The following ARHGAP22 variants were observed in gnomAD, a reference collection of about 807,000 sequenced individuals.
The protein encoded by ARHGAP22 is rho GTPase-activating protein 22.
A neutral mutation model predicts 59.1 loss-of-function variants in ARHGAP22; 48 were observed. The ratio of observed to expected loss-of-function variants is 0.81; its 90% CI spans 0.64 to 1.03. The LOEUF (loss-of-function observed/expected upper bound fraction) is 1.03, where lower values mean the gene tolerates loss of function less well. Among genes scored for constraint, ARHGAP22 ranks in the 50% least tolerant of loss-of-function variants. The pLI, the probability that ARHGAP22 is intolerant of heterozygous loss-of-function variation, is 0.00. For synonymous variants in ARHGAP22, 445 were observed against 416.4 expected (o/e 1.07, Z -0.84); for missense variants, 1,015 against 958.7 (o/e 1.06, Z -0.78).
In ARHGAP22 at chr10:48,455,070, C is replaced by T. The variant is rs1471163723; in HGVS notation, c.724G>A (p.Val242Met). The T allele has an allele frequency of 5.0e-6, 8 of 1,612,302 alleles. No homozygotes were observed. The highest frequency in any genetic ancestry group is 2.2e-5 in the South Asian group (2 of 90,956). Residue 242 changes from valine to methionine, a missense_variant, in exon 6 of 10, where the codon GTG becomes ATG. Transcript: ENST00000249601. ...KLYLRELPEP[V>M]VPFARYEDFL... The stretch of plus-strand genomic sequence containing the variant: ...TCCTCGTACCTGGCGAAGGGGACCA[C>T]GGGCTCGGGGAGCTCCCGCAGGTAC...
At position 48,643,885 on chromosome 10, in the gene ARHGAP22, C is replaced by T. The variant is rs554662983; in HGVS notation, c.52+8349G>A. Among the ~76,000 whole-genome samples the T allele has an allele frequency of 9.2e-5, 14 of 152,054 alleles. No homozygotes were observed. In the South Asian group the frequency reaches 1.2e-3, roughly 14 times the overall value. The stretch of plus-strand genomic sequence containing the variant: ...ATTCTGGGCCAGGCGTGGTGGCTCA[C>T]GCCTGTAATCCCAGCACTTGGGGAG... On this transcript the variant is annotated intron_variant, in intron 1 of 9. Coordinates refer to the ARHGAP22 transcript ENST00000435790.
chr10:48,432,605 C>G, the ARHGAP22 span, among the ~76,000 whole-genome samples: 1 of 152,142 alleles, frequency 6.6e-6, no homozygotes, highest in Non-Finnish European at 1.5e-5. Flanking sequence ...GATGGAGGCT[C>G]AGGTGGGATT....
At chr10:48,471,622 C>G (rs559867969) in intron 4 of ARHGAP22, among the ~76,000 whole-genome samples, 1 of 152,322 alleles carries the variant, frequency 6.6e-6, no homozygotes, top group South Asian at 2.1e-4. Flanking sequence ...ACAACTCCAG[C>G]CTCCAGATGC....
chr10:48,565,807 TTTTGGTCACTGTATCATTTG>T lies in ARHGAP22; in HGVS notation c.235-10277_235-10258del, dbSNP rs1209069981. On this transcript the variant is annotated intron_variant, in intron 2 of 9. Transcript: ENST00000249601. ...ATCATAATTATGACTTCAAAACTCA[TTTTGGTCACTGTATCATTTG>T]TTTGGTCTGTTTGTAGAAACAATCT... Among the ~76,000 whole-genome samples, 5 of 152,182 alleles carry T rather than the reference TTTTGGTCACTGTATCATTTG, an allele frequency of 3.3e-5. No homozygotes were observed. The East Asian group carries it at 9.6e-4, about 29-fold the overall frequency.
Position 48,446,796 on chromosome 10 carries a change from T to C in ARHGAP22, c.1869-177A>G, listed in dbSNP as rs1272545740. 5.3e-5 allele frequency among the ~76,000 whole-genome samples: 8 copies of C among 152,144 alleles called. No homozygotes were observed. The South Asian group carries it at 6.2e-4, about 12-fold the overall frequency. On this transcript the variant is annotated intron_variant, in intron 9 of 9. Transcript: ENST00000249601. Reference sequence around the variant, plus strand: ...CCCCAGTACTTCACCCATGAGCAAATTGCCCCCTGCCATAGCTCCCCTAGC... The same window carrying C: ...CCCCAGTACTTCACCCATGAGCAAACTGCCCCCTGCCATAGCTCCCCTAGC...
chr10:48,622,688 T>A (rs2061324714), intron 1 of ARHGAP22, among the ~76,000 whole-genome samples: 1 of 152,204 alleles, frequency 6.6e-6, no homozygotes, highest in South Asian at 2.1e-4. Context: ...TCTTTGTGCC[T>A]CTGTTACCAC....
upstream of ARHGAP22, chr10:48,656,024 C>A (rs1565072360): frequency 6.6e-6 from 1 of 152,256 alleles, no homozygotes; most frequent in Non-Finnish European, 1.5e-5. Flanking sequence ...GGGCTGCTCA[C>A]CTGGAACCAG....
At chr10:48,529,250 C>T (rs763086737) in intron 3 of ARHGAP22, among the ~76,000 whole-genome samples, 6 of 152,082 alleles carry the variant, frequency 3.9e-5, no homozygotes, top group South Asian at 2.1e-4. Context: ...AGATGTGGGC[C>T]GAACACAGGT....
chr10:48,487,804 C>G (rs545455955), intron 3 of ARHGAP22, among the ~76,000 whole-genome samples: 1 of 152,198 alleles, frequency 6.6e-6, no homozygotes, highest in African/African-American at 2.4e-5. Context: ...CAGTGGCTCA[C>G]GCCTGTAATC....
chr10:48,508,405 A>C (rs2052381338), intron 3 of ARHGAP22, among the ~76,000 whole-genome samples: 2 of 152,264 alleles, frequency 1.3e-5, no homozygotes, highest in South Asian at 4.1e-4. Context: ...ATGGCTGCCC[A>C]GCAAGGGCTG....
intron 8 of ARHGAP22, among the ~76,000 whole-genome samples, chr10:48,452,076 G>A (rs1045259499): frequency 1.3e-5 from 2 of 151,782 alleles, no homozygotes; most frequent in African/African-American, 4.8e-5. Context: ...ATATAATCTC[G>A]CACACACACA....
In ARHGAP22 at chr10:48,463,499, G is replaced by GCCTGCCT. The variant is rs1379300057; in HGVS notation, c.452-3615_452-3609dup. On this transcript the variant is annotated intron_variant, in intron 4 of 9. Coordinates refer to ENST00000249601, the MANE Select transcript of ARHGAP22 (RefSeq NM_021226.4). Reference sequence around the variant, plus strand: ...CCTGGCAGTGCCCCTGGTGCCTGCCGCCTGCCTCCTGCCTCCCTCCCCTTT... The same window carrying GCCTGCCT: ...CCTGGCAGTGCCCCTGGTGCCTGCCGCCTGCCTCCTGCCTCCTGCCTCCCTCCCCTTT... Among the ~76,000 whole-genome samples, 8 of 152,120 alleles carry GCCTGCCT rather than the reference G, an allele frequency of 5.3e-5. No homozygotes were observed. In the East Asian group the frequency reaches 1.3e-3, roughly 26 times the overall value.
chr10:48,468,362 TTC>T (rs1479885314), intron 4 of ARHGAP22, among the ~76,000 whole-genome samples: 3 of 152,070 alleles, frequency 2.0e-5, no homozygotes, highest in Non-Finnish European at 4.4e-5. Flanking sequence ...ATCATAGGGG[TTC>T]TTTTACCAGG....
chr10:48,577,801 G>GTTTTTTTTTTTTTTTTTTTTTTTTT (rs34557935), intron 2 of ARHGAP22, among the ~76,000 whole-genome samples: 1 of 59,142 alleles, frequency 1.7e-5, no homozygotes, highest in Admixed American at 2.9e-4. Context: ...CTCTTTTTTG[G>GTTTTTTTTTTTTTTTTTTTTTTTTT]TTTTTTTTTT....
chr10:48,433,289 A>C, the ARHGAP22 span, among the ~76,000 whole-genome samples: 76,621 of 152,000 alleles, frequency 0.5, 19,925 homozygotes, highest in Middle Eastern at 0.72. Flanking sequence ...ATTTGGGTAA[A>C]ATAATAGACC....
the ARHGAP22 span, chr10:48,435,373 CTA>C: frequency 5.2e-5 from 10 of 193,198 alleles, no homozygotes; most frequent in African/African-American, 2.3e-4. Context: ...ATCAAAGCAA[CTA>C]TTATGTGGTG....
At chr10:48,479,522 A>T (rs1437691247) in intron 4 of ARHGAP22, 114 bp downstream of exon 4, 2 of 1,576,104 alleles carry the variant, frequency 1.3e-6, no homozygotes, top group Non-Finnish European at 1.7e-6. Context: ...GAAGCACAGG[A>T]TGCAGCCAGC....
chr10:48,490,565 T>TC (rs2050287556), intron 3 of ARHGAP22, among the ~76,000 whole-genome samples: 3 of 152,212 alleles, frequency 2.0e-5, no homozygotes, highest in Non-Finnish European at 4.4e-5. Flanking sequence ...GTAGGCACAA[T>TC]GTGGCATGTC....
chr10:48,610,628 G>A (rs998785346), intron 1 of ARHGAP22, among the ~76,000 whole-genome samples: 1 of 152,178 alleles, frequency 6.6e-6, no homozygotes, highest in African/African-American at 2.4e-5. Context: ...GCTGAGGTAA[G>A]AGTTTTTTTA....
Sources: allele counts gnomAD v4.1 joint callset (sites outside exome capture counted in the v4.1 genomes callset), GRCh38; gene constraint gnomAD v4.1.1; transcripts MANE v1.5; gene names NCBI Gene and HGNC (gene_info 2026-07-23, HGNC 2026-07-21).